SRPK2: variants seen among roughly 807,000 people sequenced by gnomAD.
SRPK2 encodes SRSF protein kinase 2, also known as SFRS protein kinase 2.
In SRPK2, 21 loss-of-function variants were observed where a neutral mutation model predicts 90.8. The observed-to-expected ratio is 0.23, with a 90% CI of 0.16 to 0.33. SRPK2 has a LOEUF of 0.33. Among genes scored for constraint, SRPK2 ranks in the 10% least tolerant of loss-of-function variants. The probability of loss-of-function intolerance (pLI) is 1.00; values close to 1 mark genes in which losing one functional copy is unlikely to be tolerated. For missense variants in SRPK2, 620 were observed against 869.0 expected, an observed-to-expected ratio of 0.71 and a Z score of 3.60; for synonymous variants, 288 against 311.1, an observed-to-expected ratio of 0.93 and a Z score of 0.78.
intron 3 of SRPK2, among the ~76,000 whole-genome samples, chr7:105,203,376 A>G (rs1308397426): frequency 7.2e-5 from 11 of 152,230 alleles, no homozygotes; most frequent in Admixed American, 7.2e-4. Flanking sequence ...TCCTTCTGAA[A>G]GTACCTAGAA....
At chr7:105,216,340 C>T (rs1395145652) in intron 2 of SRPK2, among the ~76,000 whole-genome samples, 1 of 151,982 alleles carries the variant, frequency 6.6e-6, no homozygotes, top group Admixed American at 6.6e-5. Flanking sequence ...GAGCAACAAG[C>T]CAATAATGGT....
chr7:105,251,656 A>G (rs1237045299), intron 2 of SRPK2, among the ~76,000 whole-genome samples: 1 of 152,254 alleles, frequency 6.6e-6, no homozygotes, highest in Non-Finnish European at 1.5e-5. Context: ...TGCATTAAAC[A>G]GAGGCTTCTC....
At chr7:105,182,237 A>C in intron 3 of SRPK2, among the ~76,000 whole-genome samples, 1 of 151,552 alleles carries the variant, frequency 6.6e-6, no homozygotes, top group South Asian at 2.1e-4. Context: ...GTCTCAAAAA[A>C]AAAAAAAAAA....
rs566329312 is a variant in SRPK2, at chr7:105,276,323, C to T, written c.72-72538G>A. On this transcript the variant is annotated intron_variant, in intron 2 of 15. Transcript: ENST00000393651. ...TGAACTCCTGGGCTCAACCGATCCT[C>T]CCACCTTGGCCCCCTCAAAGTGCCA... Among the ~76,000 whole-genome samples, 8 of 152,046 alleles carry T rather than the reference C, an allele frequency of 5.3e-5. No homozygotes were observed. In the South Asian group the frequency reaches 1.7e-3, roughly 32 times the overall value.
At chr7:105,260,415 A>C (rs1268570599) in intron 2 of SRPK2, among the ~76,000 whole-genome samples, 2 of 152,252 alleles carry the variant, frequency 1.3e-5, no homozygotes, top group Non-Finnish European at 2.9e-5. Context: ...AGAAATAGGA[A>C]GGCTTTTACA....
rs1224520669 is a variant in SRPK2, at chr7:105,142,506, G to A, written c.1061-16C>T. On this transcript the variant is annotated splice_polypyrimidine_tract_variant and intron_variant, in intron 10 of 15. Transcript: ENST00000393651. ...TCAGCTTCACCTTAAGAATTTGATG[G>A]GTCAAGAATTAGAACTTGTTACTCT... 6.3e-7 allele frequency: 1 copy of A among 1,589,216 alleles called. No homozygotes were observed. Among genetic ancestry groups the A allele is most frequent in the East Asian group, 2.2e-5 (1 of 44,756 alleles).
chr7:105,201,514 T>C (rs1408890978), intron 3 of SRPK2, among the ~76,000 whole-genome samples: 1 of 152,094 alleles, frequency 6.6e-6, no homozygotes, highest in Non-Finnish European at 1.5e-5. Context: ...TTACATCTCC[T>C]GACCCACATA....
At chr7:105,127,102 T>C (rs1264320694) in intron 13 of SRPK2, 40 bp from the exon 14 acceptor site, 1 of 1,603,724 alleles carries the variant, frequency 6.2e-7, no homozygotes, top group Non-Finnish European at 8.5e-7. Context: ...CTTCAGAGAC[T>C]GGCCCCCAAG....
chr7:105,385,060 GA>G, intron 2 of SRPK2, among the ~76,000 whole-genome samples: 1 of 149,934 alleles, frequency 6.7e-6, no homozygotes, highest in Non-Finnish European at 1.5e-5. Context: ...TTTTAGTAGG[GA>G]CGGGGTTTCA....
At chr7:105,247,603 TTAAC>T (rs768988370) in intron 2 of SRPK2, among the ~76,000 whole-genome samples, 201 of 152,026 alleles carry the variant, frequency 1.3e-3, no homozygotes, top group Middle Eastern at 0.01. Context: ...TTCAAAGTTT[TTAAC>T]TATTAACTGA....
At chr7:105,251,472 G>A (rs1802472821) in intron 2 of SRPK2, among the ~76,000 whole-genome samples, 1 of 152,048 alleles carries the variant, frequency 6.6e-6, no homozygotes, top group African/African-American at 2.4e-5. Context: ...CCAAAGTGCT[G>A]GGATTACTGG....
chr7:105,170,967 G>GAAAGAA (rs66735717), intron 3 of SRPK2, among the ~76,000 whole-genome samples: 15,956 of 74,354 alleles, frequency 0.21, 2,869 homozygotes, highest in Non-Finnish European at 0.23. Flanking sequence ...AAGAAAGAAA[G>GAAAGAA]AGAAAGAAAG....
Position 105,142,064 on chromosome 7 carries a change from G to T in SRPK2, c.1487C>A (p.Pro496Gln). 1 of 1,614,116 alleles carries T rather than the reference G, an allele frequency of 6.2e-7. No homozygotes were observed. Among genetic ancestry groups the T allele is most frequent in the South Asian group, 1.1e-5 (1 of 91,082 alleles). ...SPLTEQEESS[P>Q]SHDRSRTVSA... Reference sequence around the variant, plus strand: ...AACCGTTCTGCTTCTGTCATGGGATGGACTGCTCTCCTCTTGCTCAGTAAG... The same window carrying T: ...AACCGTTCTGCTTCTGTCATGGGATTGACTGCTCTCCTCTTGCTCAGTAAG... Residue 496 changes from proline (P) to glutamine (Q), a missense_variant, in exon 11 of 16, where the codon CCA (proline) becomes CAA (glutamine). By Grantham distance (76) the Pro-to-Gln change is moderately conservative (BLOSUM62 -1). Transcript: ENST00000393651.
chr7:105,368,435 C>T (rs977012189), intron 2 of SRPK2, among the ~76,000 whole-genome samples: 1 of 152,176 alleles, frequency 6.6e-6, no homozygotes, highest in African/African-American at 2.4e-5. Context: ...AATAATCTCT[C>T]TTTGAGGACT....
At chr7:105,198,583 G>A (rs1286308384) in intron 3 of SRPK2, among the ~76,000 whole-genome samples, 1 of 152,144 alleles carries the variant, frequency 6.6e-6, no homozygotes, top group African/African-American at 2.4e-5. Flanking sequence ...CACCCAACAT[G>A]AGACACGGTC....
chr7:105,170,043 T>C (rs1014298017), intron 3 of SRPK2, among the ~76,000 whole-genome samples: 4 of 152,120 alleles, frequency 2.6e-5, no homozygotes, highest in Non-Finnish European at 5.9e-5. Context: ...CTTGAACTCC[T>C]AGGCTCAAAC....
upstream of SRPK2, among the ~76,000 whole-genome samples, chr7:105,392,403 T>C (rs962009559): frequency 4.6e-5 from 7 of 152,250 alleles, no homozygotes; most frequent in Admixed American, 4.6e-4. Flanking sequence ...GGGGTGATAC[T>C]TTGAAACTGT....
intron 2 of SRPK2, among the ~76,000 whole-genome samples, chr7:105,259,907 A>C (rs1803958712): frequency 2.0e-5 from 3 of 152,254 alleles, no homozygotes; most frequent in Non-Finnish European, 4.4e-5. Context: ...AAAGACTTAA[A>C]TGTAGGACCT....
rs987894421 is a variant in SRPK2 at position 105,121,600 on chromosome 7, T to C, written c.1916-3578A>G. On this transcript the variant is annotated intron_variant, in intron 15 of 15. Transcript: ENST00000393651. ...AAGCAAACATGAGCCTGGCAGCCAA[T>C]TGTGTGGTCCCCAAGAGCCCCTTAG... Among the ~76,000 whole-genome samples the C allele has an allele frequency of 4.6e-5, 7 of 152,226 alleles. No individual in the cohort carries two copies. In the South Asian group the frequency reaches 8.3e-4, roughly 18 times the overall value.
Sources: gnomAD v4.1 joint callset for allele counts (sites outside exome capture counted in the v4.1 genomes callset) on GRCh38, gnomAD v4.1.1 for gene constraint, MANE v1.5 for transcripts, NCBI Gene and HGNC (gene_info 2026-07-23, HGNC 2026-07-21) for gene names.